SUCLG2: variants seen among roughly 807,000 people sequenced by gnomAD.
SUCLG2 encodes succinate--CoA ligase [GDP-forming] subunit beta, mitochondrial.
A neutral mutation model predicts 47.9 loss-of-function variants in SUCLG2; 42 were observed. The observed-to-expected ratio is 0.88, with a 90% CI of 0.69 to 1.14. The LOEUF (loss-of-function observed/expected upper bound fraction) is 1.14. SUCLG2 is among the 50% of genes most tolerant of loss of function. SUCLG2 has a pLI of 0.00. For missense variants in SUCLG2, 571 were observed against 525.9 expected (o/e 1.09, Z -0.84); for synonymous variants, 195 against 197.3 (o/e 0.99, Z 0.10).
chr3:67,563,966 AAAAAAAAAAAAAG>A (rs1187241645), intron 2 of SUCLG2, among the ~76,000 whole-genome samples: 2 of 146,514 alleles, frequency 1.4e-5, no homozygotes, highest in Non-Finnish European at 3.0e-5. Context: ...TCTCAAAAAA[AAAAAAAAAAAAAG>A]AAAAAAGAAA....
At chr3:67,388,143 T>C (rs1025899978) in intron 10 of SUCLG2, among the ~76,000 whole-genome samples, 1 of 152,284 alleles carries the variant, frequency 6.6e-6, no homozygotes. Flanking sequence ...GTCCACTGTA[T>C]CATGAAGGAA....
chr3:67,650,406 G>A (rs192236647), intron 1 of SUCLG2, among the ~76,000 whole-genome samples: 1 of 152,202 alleles, frequency 6.6e-6, no homozygotes, highest in Non-Finnish European at 1.5e-5. Context: ...ACATTCCTCT[G>A]TAAGTCCCTG....
At chr3:67,566,691 C>G (rs1442695670) in intron 2 of SUCLG2, among the ~76,000 whole-genome samples, 1 of 152,022 alleles carries the variant, frequency 6.6e-6, no homozygotes, top group South Asian at 2.1e-4. Context: ...TAAATTATAT[C>G]TTATTCATGA....
At chr3:67,470,345 T>C (rs1009710094) in intron 9 of SUCLG2, among the ~76,000 whole-genome samples, 1 of 152,220 alleles carries the variant, frequency 6.6e-6, no homozygotes, top group African/African-American at 2.4e-5. Flanking sequence ...CTTATTTCTC[T>C]CGTATACTTC....
chr3:67,383,500 T>C (rs1306032648), intron 10 of SUCLG2, among the ~76,000 whole-genome samples: 1 of 152,170 alleles, frequency 6.6e-6, no homozygotes, highest in Non-Finnish European at 1.5e-5. Context: ...TATCCACACC[T>C]AATCTCCTCG....
chr3:67,369,673 C>T (rs1428629907), intron 10 of SUCLG2, among the ~76,000 whole-genome samples: 10 of 152,214 alleles, frequency 6.6e-5, no homozygotes, highest in Non-Finnish European at 1.2e-4. Context: ...TGCTAAGCAT[C>T]TACCTAGTTG....
intron 2 of SUCLG2, among the ~76,000 whole-genome samples, chr3:67,542,663 G>A (rs1027688397): frequency 1.3e-5 from 2 of 152,116 alleles, no homozygotes; most frequent in Non-Finnish European, 2.9e-5. Context: ...CAAAAGCAGG[G>A]GTTGTAATCC....
intron 9 of SUCLG2, among the ~76,000 whole-genome samples, chr3:67,458,554 G>A (rs62256388): frequency 0.015 from 2,247 of 152,224 alleles, 38 homozygotes; most frequent in Non-Finnish European, 0.018. Context: ...CTCACTGAAC[G>A]TCTAAGATTC....
intron 1 of SUCLG2, among the ~76,000 whole-genome samples, chr3:67,643,451 C>A (rs1328846909): frequency 6.6e-6 from 1 of 152,176 alleles, no homozygotes; most frequent in Non-Finnish European, 1.5e-5. Context: ...TTGTTTACAT[C>A]AATTAGCCTA....
intron 1 of SUCLG2, among the ~76,000 whole-genome samples, chr3:67,645,314 C>T (rs1294836652): frequency 6.6e-6 from 1 of 152,116 alleles, no homozygotes; most frequent in Non-Finnish European, 1.5e-5. Context: ...CCATTAGACA[C>T]TCACAACATG....
At chr3:67,428,595 T>C (rs573249847) in intron 9 of SUCLG2, among the ~76,000 whole-genome samples, 1 of 152,310 alleles carries the variant, frequency 6.6e-6, no homozygotes, top group South Asian at 2.1e-4. Flanking sequence ...GAACAGAGAA[T>C]GACTTTGACG....
chr3:67,516,304 A>G (rs1323399671), intron 6 of SUCLG2, among the ~76,000 whole-genome samples: 1 of 152,196 alleles, frequency 6.6e-6, no homozygotes, highest in African/African-American at 2.4e-5. Flanking sequence ...TTCCTTCCAT[A>G]GGTAACTCAT....
At chr3:67,436,568 G>A (rs1278448727) in intron 9 of SUCLG2, among the ~76,000 whole-genome samples, 1 of 152,182 alleles carries the variant, frequency 6.6e-6, no homozygotes, top group Non-Finnish European at 1.5e-5. Flanking sequence ...TAGCAGCGAT[G>A]TGCTAGTCAA....
At chr3:67,464,941 G>T (rs141806697) in intron 9 of SUCLG2, among the ~76,000 whole-genome samples, 8 of 152,288 alleles carry the variant, frequency 5.3e-5, no homozygotes, top group Non-Finnish European at 1.0e-4. Flanking sequence ...TGATGAGTGA[G>T]AGCTGCCAGG....
intron 9 of SUCLG2, among the ~76,000 whole-genome samples, chr3:67,408,102 G>A (rs1485317617): frequency 6.6e-6 from 1 of 152,150 alleles, no homozygotes; most frequent in Non-Finnish European, 1.5e-5. Context: ...CAACAGATTG[G>A]TTCGATTGGG....
chr3:67,523,493 C>T (rs1176222544), intron 4 of SUCLG2, among the ~76,000 whole-genome samples: 3 of 152,106 alleles, frequency 2.0e-5, no homozygotes, highest in Admixed American at 6.6e-5. Context: ...TGCTTGAAAC[C>T]GTAAATTCTT....
chr3:67,439,494 C>T (rs1368855697), intron 9 of SUCLG2, among the ~76,000 whole-genome samples: 1 of 152,204 alleles, frequency 6.6e-6, no homozygotes, highest in Non-Finnish European at 1.5e-5. Context: ...CCCATTGTCT[C>T]AGCCCCAAAT....
intron 6 of SUCLG2, chr3:67,514,402 AT>A (rs1705885257): frequency 3.4e-6 from 1 of 291,138 alleles, no homozygotes; most frequent in Admixed American, 3.7e-5. Flanking sequence ...CAGGTTAAGA[AT>A]TTTAAATATT....
chr3:67,531,278 T>C (rs1706397156), intron 2 of SUCLG2, among the ~76,000 whole-genome samples: 1 of 152,224 alleles, frequency 6.6e-6, no homozygotes, highest in Non-Finnish European at 1.5e-5. Flanking sequence ...AAATTTTTAA[T>C]TGTGATCACT....
Sources: gnomAD v4.1 joint callset for allele counts (sites outside exome capture counted in the v4.1 genomes callset) on GRCh38, gnomAD v4.1.1 for gene constraint, MANE v1.5 for transcripts, NCBI Gene and HGNC (gene_info 2026-07-23, HGNC 2026-07-21) for gene names.